Variants in RGS7 observed in about 807,000 individuals in gnomAD.
RGS7 encodes regulator of G-protein signaling 7.
Under a neutral mutation model 81.1 loss-of-function variants are expected in RGS7, and 27 were observed. The ratio of observed to expected loss-of-function variants is 0.33; its 90% CI spans 0.25 to 0.46. RGS7 has a LOEUF of 0.46. RGS7 is among the 20% of genes least tolerant of loss of function. The pLI is 1.00. For synonymous variants in RGS7, 208 were observed against 207.7 expected (o/e 1.00, Z -0.01); for missense variants, 396 against 607.4 (o/e 0.65, Z 3.66).
chr1:241,259,667 A>AAAAAAAAAAAAATATAT lies in RGS7; in HGVS notation c.78+96031_78+96032insATATATTTTTTTTTTTT. 3.0e-3 allele frequency among the ~76,000 whole-genome samples: 149 copies of AAAAAAAAAAAAATATAT among 49,064 alleles called. 2 individuals carry two copies. Among genetic ancestry groups the AAAAAAAAAAAAATATAT allele is most frequent in the East Asian group, 9.2e-3 (15 of 1,634 alleles). 32.2% of individuals were successfully genotyped at this position (49,064 alleles called of 152,430 possible). A position where few individuals can be genotyped will look rare whatever the true frequency, so the allele number is the denominator to read the frequency against. Reference sequence around the variant, plus strand: ...CTCCGTCTCAAAAAAAAAAAAAAAAAATATATATATATATATATAATTAAA... The same window carrying AAAAAAAAAAAAATATAT: ...CTCCGTCTCAAAAAAAAAAAAAAAAAAAAAAAAAAAAATATATATATATATATATATATATAATTAAA... On this transcript the variant is annotated intron_variant, in intron 2 of 18. Coordinates refer to ENST00000440928, the MANE Select transcript of RGS7 (RefSeq NM_001364886.1).
chr1:241,337,093 T>C (rs2082284317), intron 2 of RGS7, among the ~76,000 whole-genome samples: 2 of 152,268 alleles, frequency 1.3e-5, no homozygotes, highest in Admixed American at 6.5e-5. Flanking sequence ...CCTTACACTT[T>C]CTAGGCCTCA....
intron 9 of RGS7, among the ~76,000 whole-genome samples, chr1:240,838,860 A>G (rs1695136237): frequency 6.6e-6 from 1 of 151,124 alleles, no homozygotes; most frequent in East Asian, 2.0e-4. Flanking sequence ...TCCGCCTCCT[A>G]GGTTCACGCC....
At chr1:241,239,270 CCTCT>C (rs1441624793) in intron 2 of RGS7, among the ~76,000 whole-genome samples, 1 of 151,954 alleles carries the variant, frequency 6.6e-6, no homozygotes, top group Non-Finnish European at 1.5e-5. Flanking sequence ...CCCGGCCATC[CCTCT>C]CTCTAACTCT....
chr1:241,295,395 G>A (rs113569838), intron 2 of RGS7, among the ~76,000 whole-genome samples: 18,856 of 151,926 alleles, frequency 0.12, 1,431 homozygotes, highest in Middle Eastern at 0.19. Context: ...GGAGGTTGCA[G>A]TGAGCCGAGA....
intron 9 of RGS7, among the ~76,000 whole-genome samples, chr1:240,867,844 T>C (rs1663590179): frequency 1.3e-5 from 2 of 151,370 alleles, no homozygotes. Flanking sequence ...CTATCAAAAA[T>C]ACAAAAAATT....
intron 3 of RGS7, among the ~76,000 whole-genome samples, chr1:241,025,719 A>G (rs1035330179): frequency 2.6e-5 from 4 of 151,938 alleles, no homozygotes; most frequent in African/African-American, 9.7e-5. Context: ...AATGAAGGAT[A>G]TTACAGTTCA....
At chr1:241,276,260 C>T (rs2078189275) in intron 2 of RGS7, among the ~76,000 whole-genome samples, 1 of 152,146 alleles carries the variant, frequency 6.6e-6, no homozygotes, top group African/African-American at 2.4e-5. Context: ...CTCATTCGTC[C>T]AATGTCCTAA....
rs918897097 is a variant in RGS7, at chr1:241,146,369, C to T, written c.79-47607G>A. On this transcript the variant is annotated intron_variant, in intron 2 of 18. Coordinates refer to ENST00000440928, the MANE Select transcript of RGS7 (RefSeq NM_001364886.1). ...ATATACACAATGGCAAATCCTATGC[C>T]GTTTTATATAAGAGACTTGAGCATC... Among the ~76,000 whole-genome samples the T allele has an allele frequency of 3.3e-5, 5 of 152,192 alleles. No homozygotes were observed. In the South Asian group the frequency reaches 6.2e-4, roughly 19 times the overall value.
intron 2 of RGS7, among the ~76,000 whole-genome samples, chr1:241,295,166 C>T (rs561182330): frequency 4.5e-4 from 69 of 151,972 alleles, no homozygotes; most frequent in African/African-American, 1.2e-3. Context: ...GATATGTTTG[C>T]GGCCGGGTGC....
chr1:241,345,671 G>A (rs1250292523), intron 2 of RGS7, among the ~76,000 whole-genome samples: 1 of 152,120 alleles, frequency 6.6e-6, no homozygotes, highest in African/African-American at 2.4e-5. Flanking sequence ...ATGGCATCTT[G>A]GAGAAGAAAA....
intron 3 of RGS7, among the ~76,000 whole-genome samples, chr1:241,029,529 G>A (rs1558620051): frequency 6.6e-6 from 1 of 152,182 alleles, no homozygotes; most frequent in Non-Finnish European, 1.5e-5. Flanking sequence ...TGGGTGTAGT[G>A]ACATGTGCAA....
rs561741248 is a variant in RGS7 at position 241,130,942 on chromosome 1, A to AC, written c.79-32181_79-32180insG. Reference sequence around the variant, plus strand: ...GGCTTAATTACAAAAAAAAAAAAAAAAAACCAAGAGGCCAGATAATTCTAC... The same window carrying AC: ...GGCTTAATTACAAAAAAAAAAAAAAACAAACCAAGAGGCCAGATAATTCTAC... On this transcript the variant is annotated intron_variant, in intron 2 of 18. Transcript: ENST00000440928. Among the ~76,000 whole-genome samples the AC allele has an allele frequency of 1.1e-3, 170 of 152,102 alleles. 1 individual carries two copies. The highest frequency in any genetic ancestry group is 6.8e-3 in the Middle Eastern group (2 of 294).
intron 2 of RGS7, among the ~76,000 whole-genome samples, chr1:241,165,323 C>T (rs1004185564): frequency 6.6e-6 from 1 of 152,162 alleles, no homozygotes; most frequent in Non-Finnish European, 1.5e-5. Context: ...TATTTAGACA[C>T]ATGCACACGT....
intron 3 of RGS7, among the ~76,000 whole-genome samples, chr1:241,026,148 A>G (rs1211009240): frequency 1.3e-5 from 2 of 152,244 alleles, no homozygotes; most frequent in Non-Finnish European, 2.9e-5. Flanking sequence ...CTGCATGGTC[A>G]GCAACTACAC....
At chr1:240,827,248 G>A (rs756555491) in intron 9 of RGS7, 76 bp from the exon 10 acceptor site, 92 of 1,145,060 alleles carry the variant, frequency 8.0e-5, no homozygotes, top group Admixed American at 4.9e-4. Context: ...TGAATGGCTC[G>A]CTCTCCAGAG....
chr1:240,977,886 A>T (rs776263452), intron 4 of RGS7, among the ~76,000 whole-genome samples: 2 of 152,216 alleles, frequency 1.3e-5, no homozygotes, highest in Admixed American at 1.3e-4. Context: ...CACAGAAGAA[A>T]TCAGCCATGG....
In RGS7 at chr1:240,859,017, G is replaced by C. The variant is rs186073825; in HGVS notation, c.609+9570C>G. Among the ~76,000 whole-genome samples, 107 of 152,270 alleles carry C rather than the reference G, an allele frequency of 7.0e-4. 1 individual carries two copies. Among genetic ancestry groups the C allele is most frequent in the African/African-American group, 2.3e-3 (96 of 41,554 alleles). ...GCTAGCCTCATAGAATGAGTTAGGA[G>C]GTAGCCACTCTGCTATTTTCTGGAA... On this transcript the variant is annotated intron_variant, in intron 9 of 18. Transcript: ENST00000440928.
In RGS7 at chr1:240,812,021, C is replaced by T. The variant is rs1689931530; in HGVS notation, c.979G>A (p.Val327Ile). The change falls in exon 14 of 19, where the codon GTA (valine) becomes ATA (isoleucine). Residue 327 changes from valine (V) to isoleucine (I), a missense_variant. Coordinates refer to ENST00000440928, the MANE Select transcript of RGS7 (RefSeq NM_001364886.1). ...TCCATGCCAAAACCCCATCGTTTTA[C>T]CCTCTGCTGGCTCGGTTCTTTGCTA... ...EASKEPSQQR[V>I]KRWGFGMDEA... is the part of the protein sequence containing the mutation. 1.9e-6 allele frequency: 3 copies of T among 1,614,044 alleles called. No individual in the cohort carries two copies. The highest frequency in any genetic ancestry group is 1.7e-5 in the Admixed American group (1 of 59,998).
chr1:241,278,073 G>A (rs867580683), intron 2 of RGS7, among the ~76,000 whole-genome samples: 2 of 152,118 alleles, frequency 1.3e-5, no homozygotes, highest in Non-Finnish European at 2.9e-5. Flanking sequence ...CCGTCACAGC[G>A]ATGCTTCCTG....
Sources: gnomAD v4.1 joint callset for allele counts (sites outside exome capture counted in the v4.1 genomes callset) on GRCh38, gnomAD v4.1.1 for gene constraint, MANE v1.5 for transcripts, NCBI Gene and HGNC (gene_info 2026-07-23, HGNC 2026-07-21) for gene names.